Variants in PRKD1 observed in about 807,000 individuals in gnomAD.
PRKD1 encodes protein kinase D1, also known as serine/threonine-protein kinase D1.
Under a neutral mutation model 95.9 loss-of-function variants are expected in PRKD1, and 63 were observed. That is an observed-to-expected ratio of 0.66 (90% CI 0.54 to 0.81). The LOEUF is 0.81. Ranked by LOEUF, PRKD1 falls within the 30% of genes least tolerant of loss-of-function variation. The pLI is 0.00. For synonymous variants in PRKD1, 425 were observed against 423.1 expected (o/e 1.00, Z -0.05); for missense variants, 1,048 against 1,165.3 (o/e 0.90, Z 1.47).
At chr14:29,701,878 C>G (rs1884860743) in intron 2 of PRKD1, among the ~76,000 whole-genome samples, 1 of 152,120 alleles carries the variant, frequency 6.6e-6, no homozygotes, top group Non-Finnish European at 1.5e-5. Flanking sequence ...TATTTCTGGT[C>G]TCAGACTTAA....
At chr14:29,782,731 G>T (rs1250775266) in intron 1 of PRKD1, among the ~76,000 whole-genome samples, 2 of 151,686 alleles carry the variant, frequency 1.3e-5, no homozygotes, top group Admixed American at 6.6e-5. Context: ...TTTTGGTTGA[G>T]ATGGGGTTTT....
chr14:29,756,051 G>T (rs562919882), intron 1 of PRKD1, among the ~76,000 whole-genome samples: 1 of 152,188 alleles, frequency 6.6e-6, no homozygotes, highest in South Asian at 2.1e-4. Flanking sequence ...AAAAAATCAT[G>T]TTTATATATA....
chr14:29,887,086 A>G (rs1893735364), intron 1 of PRKD1, among the ~76,000 whole-genome samples: 1 of 152,208 alleles, frequency 6.6e-6, no homozygotes, highest in Admixed American at 6.5e-5. Context: ...ATAATGCAAA[A>G]TAAGACTTAT....
chr14:29,874,400 AC>A (rs1893215345), intron 1 of PRKD1, among the ~76,000 whole-genome samples: 1 of 152,210 alleles, frequency 6.6e-6, no homozygotes, highest in African/African-American at 2.4e-5. Context: ...TATGACCACT[AC>A]GGAAAACAGT....
rs1884229974 is a variant in PRKD1 at position 29,691,503 on chromosome 14, C to G, written c.404-25295G>C. On this transcript the variant is annotated intron_variant, in intron 2 of 17. Coordinates refer to ENST00000331968, the MANE Select transcript of PRKD1 (RefSeq NM_002742.3). ...TAAGGGCTTTCTGAGAGTATGTGGTCCACAGTGACCTCAACAGCTCCAAGT... is the reference window on the plus strand; with the variant it reads ...TAAGGGCTTTCTGAGAGTATGTGGTGCACAGTGACCTCAACAGCTCCAAGT... Among the ~76,000 whole-genome samples, 3 of 152,252 alleles carry G rather than the reference C, an allele frequency of 2.0e-5. No homozygotes were observed. The South Asian group carries it at 6.2e-4, about 32-fold the overall frequency.
chr14:29,789,170 G>A (rs547849854), intron 1 of PRKD1, among the ~76,000 whole-genome samples: 78 of 152,184 alleles, frequency 5.1e-4, no homozygotes, highest in Non-Finnish European at 7.2e-4. Context: ...ACAGACATGA[G>A]CCACCATGCC....
At chr14:29,654,425 C>T (rs1049476703) in intron 4 of PRKD1, among the ~76,000 whole-genome samples, 6 of 152,128 alleles carry the variant, frequency 3.9e-5, no homozygotes, top group Admixed American at 1.3e-4. Context: ...CTGCCTGTCT[C>T]GGCCTCCTAA....
intron 13 of PRKD1, among the ~76,000 whole-genome samples, chr14:29,618,258 A>ATTTTT: frequency 6.9e-6 from 1 of 145,538 alleles, no homozygotes; most frequent in Non-Finnish European, 1.5e-5. Flanking sequence ...ATCTACATTC[A>ATTTTT]TTTTTTTTTT....
intron 16 of PRKD1, among the ~76,000 whole-genome samples, chr14:29,589,974 A>C (rs557512910): frequency 3.0e-3 from 455 of 152,268 alleles, no homozygotes; most frequent in Non-Finnish European, 4.6e-3. Context: ...CATTGACCCT[A>C]AACTAGTGCT....
At chr14:29,654,042 G>A (rs1212058748) in intron 4 of PRKD1, among the ~76,000 whole-genome samples, 1 of 151,758 alleles carries the variant, frequency 6.6e-6, no homozygotes, top group African/African-American at 2.4e-5. Context: ...ACTATTTTCA[G>A]TAGAGTTAAA....
At chr14:29,697,623 G>A (rs192338583) in intron 2 of PRKD1, among the ~76,000 whole-genome samples, 9 of 152,086 alleles carry the variant, frequency 5.9e-5, no homozygotes, top group African/African-American at 2.2e-4. Flanking sequence ...TTTGGGAAAG[G>A]CAATAATGTT....
At chr14:29,834,189 G>T (rs755639030) in intron 1 of PRKD1, among the ~76,000 whole-genome samples, 1 of 152,098 alleles carries the variant, frequency 6.6e-6, no homozygotes, top group South Asian at 2.1e-4. Context: ...TTATCAAACT[G>T]TCTCTGCTCT....
intron 1 of PRKD1, among the ~76,000 whole-genome samples, chr14:29,737,457 G>A (rs971387309): frequency 2.7e-5 from 4 of 149,766 alleles, no homozygotes; most frequent in Non-Finnish European, 3.0e-5. Flanking sequence ...TCAGGCAGTT[G>A]AATATTGCAA....
At chr14:29,685,961 T>C (rs910216017) in intron 2 of PRKD1, among the ~76,000 whole-genome samples, 1 of 152,208 alleles carries the variant, frequency 6.6e-6, no homozygotes, top group Non-Finnish European at 1.5e-5. Context: ...GGAAAATGTT[T>C]ATTTCCATTT....
At chr14:29,748,744 A>G (rs534666644) in intron 1 of PRKD1, among the ~76,000 whole-genome samples, 28 of 152,340 alleles carry the variant, frequency 1.8e-4, no homozygotes, top group Admixed American at 1.5e-3. Flanking sequence ...TTGAATAAAT[A>G]TAGCCATCAA....
At chr14:29,627,536 T>C (rs998005019) in intron 11 of PRKD1, among the ~76,000 whole-genome samples, 1 of 152,244 alleles carries the variant, frequency 6.6e-6, no homozygotes, top group Non-Finnish European at 1.5e-5. Context: ...TTATTGTCTG[T>C]GATTTCATTC....
At position 29,655,874 on chromosome 14, in the gene PRKD1, G is replaced by A. The variant is rs143254171; in HGVS notation, c.696+7825C>T. ...TTATTGAAAAGGTAAGTTCATGGGT[G>A]CAGCACCCTAACATGACACACGTAC... On this transcript the variant is annotated intron_variant, in intron 4 of 17. Transcript: ENST00000331968. Among the ~76,000 whole-genome samples, 779 of 151,284 alleles carry A rather than the reference G, an allele frequency of 5.1e-3. 4 individuals are homozygous for A. Among genetic ancestry groups the A allele is most frequent in the Non-Finnish European group, 8.0e-3 (541 of 67,806 alleles).
rs143063021 is a variant in PRKD1, at chr14:29,890,741, C to G, written c.264+36508G>C. Reference sequence around the variant, plus strand: ...AAAGTGCCTACCTAGTTTATGATTGCATGAAGTACAAACACAGAAACAAAT... The same window carrying G: ...AAAGTGCCTACCTAGTTTATGATTGGATGAAGTACAAACACAGAAACAAAT... On this transcript the variant is annotated intron_variant, in intron 1 of 17. Coordinates refer to ENST00000331968, the MANE Select transcript of PRKD1 (RefSeq NM_002742.3). 9.5e-4 allele frequency among the ~76,000 whole-genome samples: 145 copies of G among 152,226 alleles called. 3 individuals are homozygous for G. The highest frequency in any genetic ancestry group is 3.4e-3 in the African/African-American group (140 of 41,534).
At chr14:29,920,249 A>T (rs1188695425) in intron 1 of PRKD1, among the ~76,000 whole-genome samples, 1 of 152,164 alleles carries the variant, frequency 6.6e-6, no homozygotes, top group African/African-American at 2.4e-5. Flanking sequence ...TCATTTTCAA[A>T]ATCACTCTAA....
Sources: gnomAD v4.1 joint callset for allele counts (sites outside exome capture counted in the v4.1 genomes callset) on GRCh38, gnomAD v4.1.1 for gene constraint, MANE v1.5 for transcripts, NCBI Gene and HGNC (gene_info 2026-07-23, HGNC 2026-07-21) for gene names.